Variants in GPD2 observed in about 807,000 individuals in gnomAD.
The protein encoded by GPD2 is glycerol-3-phosphate dehydrogenase, mitochondrial.
GPD2 carries 54 observed loss-of-function variants against 82.4 expected under a neutral mutation model. That is an observed-to-expected ratio of 0.66 (90% CI 0.53 to 0.82). The LOEUF (loss-of-function observed/expected upper bound fraction) is 0.82, where lower values mean the gene tolerates loss of function less well. Among genes scored for constraint, GPD2 ranks in the 40% least tolerant of loss-of-function variants. GPD2 has a pLI of 0.00. For synonymous variants in GPD2, 288 were observed against 306.1 expected, an observed-to-expected ratio of 0.94 and a Z score of 0.62; for missense variants, 748 against 896.2, an observed-to-expected ratio of 0.83 and a Z score of 2.11.
chr2:156,510,709 A>C lies in GPD2; in HGVS notation c.275-87A>C. 7 of 1,082,194 alleles carry C rather than the reference A, an allele frequency of 6.5e-6. No homozygotes were observed. In the Admixed American group the frequency reaches 1.0e-4, roughly 16 times the overall value. 67.0% of individuals were successfully genotyped at this position (1,082,194 alleles called of 1,614,324 possible). Reference sequence around the variant, plus strand: ...CATGTTCAGAGTAATTTTTCTTGTGATTGTCTCTACCCTGGAGAAGTGCCT... The same window carrying C: ...CATGTTCAGAGTAATTTTTCTTGTGCTTGTCTCTACCCTGGAGAAGTGCCT... On this transcript the variant is annotated intron_variant, in intron 3 of 16. Transcript: ENST00000438166.
At chr2:156,420,086 A>T in the GPD2 span, among the ~76,000 whole-genome samples, 1 of 152,182 alleles carries the variant, frequency 6.6e-6, no homozygotes, top group African/African-American at 2.4e-5. Flanking sequence ...GCATCCTAAC[A>T]ATTGCTCAGA....
the GPD2 span, among the ~76,000 whole-genome samples, chr2:156,408,262 G>C: frequency 6.6e-6 from 1 of 152,090 alleles, no homozygotes; most frequent in Non-Finnish European, 1.5e-5. Context: ...GCCAAAAGTA[G>C]TGTTCTAAAT....
At chr2:156,408,330 T>C in the GPD2 span, among the ~76,000 whole-genome samples, 1 of 152,096 alleles carries the variant, frequency 6.6e-6, no homozygotes, top group South Asian at 2.1e-4. Flanking sequence ...TTTTGAAATA[T>C]GGAAAGTTTG....
At chr2:156,415,947 G>C in the GPD2 span, among the ~76,000 whole-genome samples, 2 of 98,630 alleles carry the variant, frequency 2.0e-5, no homozygotes, top group African/African-American at 5.9e-5. Flanking sequence ...CGTGAACCCG[G>C]GAGGCGGAGC....
the GPD2 span, among the ~76,000 whole-genome samples, chr2:156,425,084 A>ATTTTTTT: frequency 5.3e-5 from 2 of 37,988 alleles, no homozygotes; most frequent in Non-Finnish European, 9.6e-5. Context: ...ATTTATATTC[A>ATTTTTTT]TTTTATTTTT....
At chr2:156,439,513 G>GAAAAAAAAACAAAAAA (rs1682067237) in intron 1 of GPD2, among the ~76,000 whole-genome samples, 1 of 31,622 alleles carries the variant, frequency 3.2e-5, no homozygotes, top group Non-Finnish European at 5.1e-5. Context: ...GACTGTCTCA[G>GAAAAAAAAACAAAAAA]AAAAAAAAAA....
At chr2:156,476,022 C>A in intron 1 of GPD2, 76 bp from the exon 2 acceptor site, 1 of 800,090 alleles carries the variant, frequency 1.2e-6, no homozygotes, top group Non-Finnish European at 2.3e-6. Flanking sequence ...ATAATCTACA[C>A]AGTGTCTTAT....
chr2:156,438,167 T>C (rs1682017772), intron 1 of GPD2, among the ~76,000 whole-genome samples: 1 of 152,200 alleles, frequency 6.6e-6, no homozygotes, highest in Admixed American at 6.5e-5. Context: ...GTTTTCTCAA[T>C]GAGCGACTGA....
chr2:156,561,960 T>C (rs1357503757), intron 9 of GPD2, among the ~76,000 whole-genome samples: 1 of 152,232 alleles, frequency 6.6e-6, no homozygotes, highest in East Asian at 1.9e-4. Flanking sequence ...ACAGGCTGAA[T>C]TTTCTAGATT....
intron 2 of GPD2, among the ~76,000 whole-genome samples, chr2:156,489,733 TCCC>T (rs1684093875): frequency 1.1e-5 from 1 of 91,160 alleles, no homozygotes; most frequent in Non-Finnish European, 2.1e-5. Flanking sequence ...CCTCCCTCCC[TCCC>T]TCCCTCCCTC....
intron 6 of GPD2, among the ~76,000 whole-genome samples, chr2:156,540,980 C>A (rs1448164122): frequency 6.6e-6 from 1 of 152,214 alleles, no homozygotes; most frequent in East Asian, 1.9e-4. Context: ...TAGGCAATAA[C>A]CACATCTTGT....
At chr2:156,575,553 C>G (rs1687789347) in intron 13 of GPD2, among the ~76,000 whole-genome samples, 1 of 151,748 alleles carries the variant, frequency 6.6e-6, no homozygotes, top group Non-Finnish European at 1.5e-5. Context: ...CAGGCATGCA[C>G]CACCATGCCC....
upstream of GPD2, among the ~76,000 whole-genome samples, chr2:156,431,524 A>G (rs971124241): frequency 1.3e-5 from 2 of 151,916 alleles, no homozygotes; most frequent in Non-Finnish European, 2.9e-5. Context: ...CTGGCATAGT[A>G]ATTACTGAGA....
intron 9 of GPD2, among the ~76,000 whole-genome samples, chr2:156,561,470 G>A (rs1687175700): frequency 6.6e-6 from 1 of 152,006 alleles, no homozygotes; most frequent in African/African-American, 2.4e-5. Flanking sequence ...GTTTCCTGAT[G>A]GGATACTATG....
intron 3 of GPD2, among the ~76,000 whole-genome samples, chr2:156,506,436 T>C (rs763050071): frequency 6.6e-6 from 1 of 152,172 alleles, no homozygotes; most frequent in Admixed American, 6.5e-5. Context: ...CATAAGTACA[T>C]GTGATAACTT....
At chr2:156,504,211 G>A (rs914564345) in intron 3 of GPD2, among the ~76,000 whole-genome samples, 8 of 152,008 alleles carry the variant, frequency 5.3e-5, no homozygotes, top group Non-Finnish European at 8.8e-5. Context: ...TATCGTGATC[G>A]TGAGGATTAA....
At chr2:156,555,981 G>T (rs940881236) in intron 8 of GPD2, among the ~76,000 whole-genome samples, 1 of 152,060 alleles carries the variant, frequency 6.6e-6, no homozygotes, top group African/African-American at 2.4e-5. Flanking sequence ...ATGCGGCTGA[G>T]GGTTTTTTGA....
intron 2 of GPD2, among the ~76,000 whole-genome samples, chr2:156,479,360 G>GTT (rs1160844631): frequency 2.6e-5 from 4 of 152,180 alleles, no homozygotes; most frequent in African/African-American, 4.8e-5. Context: ...CTGGGAGCAG[G>GTT]TTAGGGGTTA....
intron 1 of GPD2, among the ~76,000 whole-genome samples, chr2:156,471,562 G>A (rs370068298): frequency 2.0e-5 from 3 of 151,738 alleles, no homozygotes; most frequent in Non-Finnish European, 2.9e-5. Flanking sequence ...TGCCTAGAAC[G>A]TACCATGATG....
Sources: allele counts gnomAD v4.1 joint callset (sites outside exome capture counted in the v4.1 genomes callset), GRCh38; gene constraint gnomAD v4.1.1; transcripts MANE v1.5; gene names NCBI Gene and HGNC (gene_info 2026-07-23, HGNC 2026-07-21).